LHFPL2: variants seen among roughly 807,000 people sequenced by gnomAD.
LHFPL2 encodes the protein LHFPL tetraspan subfamily member 2.
LHFPL2 carries 7 observed loss-of-function variants against 17.5 expected under a neutral mutation model. That is an observed-to-expected ratio of 0.40 (90% CI 0.23 to 0.75). The LOEUF (loss-of-function observed/expected upper bound fraction) is 0.75, where lower values mean the gene tolerates loss of function less well. LHFPL2 is among the 30% of genes least tolerant of loss of function. The pLI is 0.37. For missense variants in LHFPL2, 241 were observed against 294.8 expected (o/e 0.82, Z 1.34); for synonymous variants, 134 against 116.2 (o/e 1.15, Z -0.99).
intron 2 of LHFPL2, among the ~76,000 whole-genome samples, chr5:78,575,405 C>T (rs1041443443): frequency 5.9e-5 from 9 of 151,934 alleles, no homozygotes; most frequent in African/African-American, 1.2e-4. Context: ...AAAAATTAGC[C>T]GGGCGTGGTG....
Position 78,636,591 on chromosome 5 carries a change from G to C in LHFPL2, c.-349-4223C>G, listed in dbSNP as rs1408028722. 2.0e-5 allele frequency among the ~76,000 whole-genome samples: 3 copies of C among 152,150 alleles called. No individual in the cohort carries two copies. In the East Asian group the frequency reaches 5.8e-4, roughly 29 times the overall value. ...GAATCAAGCTGGTCTGTGGAGGATG[G>C]GGCCCCTTCTTCATCCATTTCTGGT... On this transcript the variant is annotated intron_variant, in intron 1 of 4. Coordinates refer to ENST00000380345, the MANE Select transcript of LHFPL2 (RefSeq NM_005779.3).
intron 1 of LHFPL2, among the ~76,000 whole-genome samples, chr5:78,646,952 T>C (rs961788507): frequency 6.6e-6 from 1 of 152,050 alleles, no homozygotes; most frequent in Non-Finnish European, 1.5e-5. Context: ...CCCCTCCCCA[T>C]CCCCCTCTCC....
chr5:78,566,994 T>A (rs915234873), intron 2 of LHFPL2, among the ~76,000 whole-genome samples: 1 of 152,200 alleles, frequency 6.6e-6, no homozygotes, highest in Non-Finnish European at 1.5e-5. Flanking sequence ...AATGAGTCAC[T>A]TCAACCTTGG....
Position 78,571,809 on chromosome 5 carries a change from T to C in LHFPL2, c.-244-6938A>G, listed in dbSNP as rs138090803. Among the ~76,000 whole-genome samples, 957 of 152,342 alleles carry C rather than the reference T, an allele frequency of 6.3e-3. 7 individuals carry two copies. The highest frequency in any genetic ancestry group is 0.022 in the African/African-American group (900 of 41,562). The stretch of plus-strand genomic sequence containing the variant: ...ATCATATGGATGGATAAGGTGGATA[T>C]ACAGAGACAGAAATGTCTAGCTAGG... On this transcript the variant is annotated intron_variant, in intron 2 of 4. Coordinates refer to ENST00000380345, the MANE Select transcript of LHFPL2 (RefSeq NM_005779.3).
chr5:78,571,422 G>C (rs533846999), intron 2 of LHFPL2, among the ~76,000 whole-genome samples: 6 of 151,902 alleles, frequency 3.9e-5, no homozygotes. Flanking sequence ...TGCCCTCTCC[G>C]TGCCACCCTT....
chr5:78,554,200 G>A (rs867591014), intron 3 of LHFPL2, among the ~76,000 whole-genome samples: 1 of 152,246 alleles, frequency 6.6e-6, no homozygotes, highest in Non-Finnish European at 1.5e-5. Flanking sequence ...CACTGTGCGC[G>A]CCTGCTGCAC....
chr5:78,533,656 T>C (rs371140300), intron 3 of LHFPL2, among the ~76,000 whole-genome samples: 5 of 151,828 alleles, frequency 3.3e-5, no homozygotes, highest in African/African-American at 9.7e-5. Context: ...CATTTACATT[T>C]CTGCCTGCTT....
In LHFPL2 at chr5:78,525,392, T is replaced by A. The variant is rs141287466; in HGVS notation, c.-185-14994A>T. Among the ~76,000 whole-genome samples the A allele has an allele frequency of 3.3e-5, 5 of 152,248 alleles. No individual in the cohort carries two copies. In the East Asian group the frequency reaches 9.6e-4, roughly 29 times the overall value. ...GCATAAAGCACTGTAATGCACAGAGTAAGCATTCAGTAAATGGTAGCAATG... is the reference window on the plus strand; with the variant it reads ...GCATAAAGCACTGTAATGCACAGAGAAAGCATTCAGTAAATGGTAGCAATG... On this transcript the variant is annotated intron_variant, in intron 3 of 4. Transcript: ENST00000380345.
intron 4 of LHFPL2, among the ~76,000 whole-genome samples, chr5:78,498,031 C>A (rs80089367): frequency 6.6e-6 from 1 of 152,224 alleles, no homozygotes; most frequent in African/African-American, 2.4e-5. Context: ...AGGAGCAGCA[C>A]GCGGGAGAAG....
chr5:78,520,801 CGGCT>C (rs1755431278), intron 3 of LHFPL2, among the ~76,000 whole-genome samples: 2 of 149,510 alleles, frequency 1.3e-5, no homozygotes, highest in African/African-American at 5.2e-5. Flanking sequence ...TACGGTCTTT[CGGCT>C]AACTGCTAAC....
intron 4 of LHFPL2, among the ~76,000 whole-genome samples, chr5:78,504,248 A>G (rs1754865506): frequency 6.6e-6 from 1 of 152,054 alleles, no homozygotes; most frequent in Non-Finnish European, 1.5e-5. Flanking sequence ...TACTCTCCCC[A>G]TGCCTCTTTG....
At chr5:78,509,613 T>G (rs1012971612) in intron 4 of LHFPL2, among the ~76,000 whole-genome samples, 171 bp downstream of exon 4, 1 of 152,040 alleles carries the variant, frequency 6.6e-6, no homozygotes, top group Non-Finnish European at 1.5e-5. Flanking sequence ...AAGAGACCCA[T>G]GCGAGCAGCA....
chr5:78,588,684 G>A (rs765193728), intron 2 of LHFPL2, among the ~76,000 whole-genome samples: 12 of 152,174 alleles, frequency 7.9e-5, no homozygotes, highest in Non-Finnish European at 1.3e-4. Context: ...GGCCAGCCAG[G>A]CAGGGTTGAT....
At chr5:78,611,212 C>A (rs1561364427) in intron 2 of LHFPL2, among the ~76,000 whole-genome samples, 2 of 152,322 alleles carry the variant, frequency 1.3e-5, no homozygotes, top group East Asian at 3.9e-4. Context: ...GAGCTCAGTG[C>A]AGCACGCGTC....
In LHFPL2 at chr5:78,596,851, T is replaced by A. The variant is rs553684351; in HGVS notation, c.-244-31980A>T. On this transcript the variant is annotated intron_variant, in intron 2 of 4. Coordinates refer to ENST00000380345, the MANE Select transcript of LHFPL2 (RefSeq NM_005779.3). ...TGATAATAATATTGACAGTTTCTTCTGCTCCCAAATTTTTGCCTTCTTCCC... is the reference window on the plus strand; with the variant it reads ...TGATAATAATATTGACAGTTTCTTCAGCTCCCAAATTTTTGCCTTCTTCCC... 2.0e-5 allele frequency among the ~76,000 whole-genome samples: 3 copies of A among 152,344 alleles called. No homozygotes were observed. The South Asian group carries it at 6.2e-4, about 32-fold the overall frequency.
At position 78,490,575 on chromosome 5, in the gene LHFPL2, A is replaced by C. The variant is rs201853726; in HGVS notation, c.431-1422T>G. 6.7e-4 allele frequency among the ~76,000 whole-genome samples: 98 copies of C among 146,678 alleles called. 2 individuals carry two copies. The highest frequency in any genetic ancestry group is 2.3e-3 in the African/African-American group (93 of 40,242). On this transcript the variant is annotated intron_variant, in intron 4 of 4. Coordinates refer to ENST00000380345, the MANE Select transcript of LHFPL2 (RefSeq NM_005779.3). Reference sequence around the variant, plus strand: ...AGACCATCCTGGCCAACATGGTGAAACCCCGTCTAACTAAAAATACAAAAA... The same window carrying C: ...AGACCATCCTGGCCAACATGGTGAACCCCCGTCTAACTAAAAATACAAAAA...
chr5:78,584,997 T>TG lies in LHFPL2; in HGVS notation c.-244-20127_-244-20126insC, dbSNP rs1743322686. Among the ~76,000 whole-genome samples, 2 of 67,326 alleles carry TG rather than the reference T, an allele frequency of 3.0e-5. 1 individual carries two copies. The highest frequency in any genetic ancestry group is 7.4e-5 in the Non-Finnish European group (2 of 26,866). The allele number at this position is 67,326 out of a possible 152,430, so 44.2% of individuals were successfully genotyped here. ...GATATAATCTCCTGGTGCGCTGTGT[T>TG]TTTTTTTTTTTTTTTTTTTTTTTTT... On this transcript the variant is annotated intron_variant, in intron 2 of 4. Transcript: ENST00000380345.
chr5:78,492,480 T>TAC lies in LHFPL2; in HGVS notation c.431-3329_431-3328dup, dbSNP rs566458320. 7.2e-5 allele frequency among the ~76,000 whole-genome samples: 11 copies of TAC among 152,306 alleles called. No homozygotes were observed. In the South Asian group the frequency reaches 2.3e-3, roughly 32 times the overall value. On this transcript the variant is annotated intron_variant, in intron 4 of 4. Coordinates refer to ENST00000380345, the MANE Select transcript of LHFPL2 (RefSeq NM_005779.3). ...GTTCTCTGGGGAAGCAGGCAGGTTT[T>TAC]ACATCACTTAATACAATCCTTATTT... is the stretch of plus-strand genomic sequence containing the variant.
intron 4 of LHFPL2, among the ~76,000 whole-genome samples, chr5:78,509,454 A>C (rs974964201): frequency 1.3e-5 from 2 of 152,218 alleles, no homozygotes; most frequent in African/African-American, 4.8e-5. Context: ...TGAAGTGGAG[A>C]GCATGCTTTT....
Sources: gnomAD v4.1 joint callset for allele counts (sites outside exome capture counted in the v4.1 genomes callset) on GRCh38, gnomAD v4.1.1 for gene constraint, MANE v1.5 for transcripts, NCBI Gene and HGNC (gene_info 2026-07-23, HGNC 2026-07-21) for gene names.